MORC1: variants seen among roughly 807,000 people sequenced by gnomAD.
MORC1 encodes the protein MORC family CW-type zinc finger 1.
A neutral mutation model predicts 134.9 loss-of-function variants in MORC1; 59 were observed. The observed-to-expected ratio is 0.44, with a 90% CI of 0.35 to 0.54. MORC1 has a LOEUF of 0.54. MORC1 is among the 20% of genes least tolerant of loss of function. The pLI, the probability that MORC1 is intolerant of heterozygous loss-of-function variation, is 0.00. For missense variants in MORC1, 947 were observed against 1,134.5 expected (o/e 0.83, Z 2.37); for synonymous variants, 395 against 391.7 (o/e 1.01, Z -0.10).
chr3:109,050,536 C>A (rs1178052158), intron 14 of MORC1, among the ~76,000 whole-genome samples: 1 of 151,934 alleles, frequency 6.6e-6, no homozygotes, highest in Non-Finnish European at 1.5e-5. Context: ...GTTGCTAATA[C>A]CATCATCCTG....
Position 109,088,894 on chromosome 3 carries a change from C to T in MORC1, c.689+4542G>A, listed in dbSNP as rs537811827. Among the ~76,000 whole-genome samples, 24 of 152,090 alleles carry T rather than the reference C, an allele frequency of 1.6e-4. 1 individual carries two copies. Among genetic ancestry groups the T allele is most frequent in the Non-Finnish European group, 3.2e-4 (22 of 67,970 alleles). ...AATACTATGCTGCCATATAAAAGAACGAGATCATGTCTTTTGCAGGAATAT... is the reference window on the plus strand; with the variant it reads ...AATACTATGCTGCCATATAAAAGAATGAGATCATGTCTTTTGCAGGAATAT... On this transcript the variant is annotated intron_variant, in intron 8 of 27. Coordinates refer to ENST00000232603, the MANE Select transcript of MORC1 (RefSeq NM_014429.4).
In MORC1 at chr3:109,097,612, G is replaced by A. The variant is rs111484464; in HGVS notation, c.423+1746C>T. Among the ~76,000 whole-genome samples, 140 of 152,164 alleles carry A rather than the reference G, an allele frequency of 9.2e-4. 3 individuals are homozygous for A. Among genetic ancestry groups the A allele is most frequent in the Non-Finnish European group, 5.4e-4 (37 of 68,032 alleles). ...AAGCAGGAGTGTGAGCTGCAGCACA[G>A]GAGAAAGCCCTGAGCAGACTTCATC... On this transcript the variant is annotated intron_variant, in intron 6 of 27. Coordinates refer to ENST00000232603, the MANE Select transcript of MORC1 (RefSeq NM_014429.4).
chr3:109,061,167 A>T (rs1950073249), intron 11 of MORC1, among the ~76,000 whole-genome samples: 2 of 152,124 alleles, frequency 1.3e-5, no homozygotes, highest in African/African-American at 4.8e-5. Context: ...CACTGAAAGG[A>T]TTCATATATT....
chr3:109,094,532 C>T (rs974838017), intron 7 of MORC1, among the ~76,000 whole-genome samples: 4 of 152,146 alleles, frequency 2.6e-5, no homozygotes, highest in South Asian at 2.1e-4. Context: ...GACATTAATT[C>T]GTTATTTTAT....
chr3:109,023,223 T>C (rs1949001383), intron 17 of MORC1, among the ~76,000 whole-genome samples: 1 of 152,178 alleles, frequency 6.6e-6, no homozygotes, highest in Non-Finnish European at 1.5e-5. Flanking sequence ...CAGAGCCACA[T>C]GGAAGTGAAC....
chr3:109,043,202 T>C (rs57324850), intron 14 of MORC1, among the ~76,000 whole-genome samples: 2 of 66,298 alleles, frequency 3.0e-5, no homozygotes, highest in Non-Finnish European at 6.2e-5. Flanking sequence ...GGGGGGGGGG[T>C]GTGTATAACA....
intron 20 of MORC1, among the ~76,000 whole-genome samples, chr3:109,002,413 T>C (rs569395919): frequency 2.2e-4 from 34 of 152,324 alleles, no homozygotes; most frequent in Admixed American, 2.0e-4. Context: ...ACCCTTCTCA[T>C]GCTACAGGAG....
intron 8 of MORC1, among the ~76,000 whole-genome samples, chr3:109,072,653 C>T (rs1189564514): frequency 6.6e-6 from 1 of 152,162 alleles, no homozygotes; most frequent in African/African-American, 2.4e-5. Context: ...CCACTCTTTA[C>T]AAATAAAGCC....
At chr3:109,005,028 G>C in intron 19 of MORC1, 42 bp downstream of exon 19, 1 of 1,585,332 alleles carries the variant, frequency 6.3e-7, no homozygotes, top group Non-Finnish European at 8.6e-7. Flanking sequence ...GCTATTTCCA[G>C]AATGAGTGAA....
intron 8 of MORC1, among the ~76,000 whole-genome samples, chr3:109,071,357 G>A (rs1950312084): frequency 6.6e-6 from 1 of 152,048 alleles, no homozygotes; most frequent in Non-Finnish European, 1.5e-5. Flanking sequence ...ATATATACAT[G>A]AACACTAATA....
At chr3:108,982,997 T>C (rs1947788323) in intron 23 of MORC1, among the ~76,000 whole-genome samples, 1 of 151,860 alleles carries the variant, frequency 6.6e-6, no homozygotes, top group Admixed American at 6.6e-5. Flanking sequence ...CTAACATTCA[T>C]ATTGTATTTA....
Position 109,029,296 on chromosome 3 carries a change from T to C in MORC1, c.1566-1407A>G, listed in dbSNP as rs1183295299. ...ATATACAGCAACCCACAGTGTTGAT[T>C]TGAAGACATCTGTGGGGTGGCATCT... On this transcript the variant is annotated intron_variant, in intron 16 of 27. Transcript: ENST00000232603. 2.0e-5 allele frequency among the ~76,000 whole-genome samples: 3 copies of C among 152,336 alleles called. No homozygotes were observed. In the East Asian group the frequency reaches 5.8e-4, roughly 29 times the overall value.
At chr3:109,022,296 A>T (rs1948976731) in intron 17 of MORC1, among the ~76,000 whole-genome samples, 1 of 152,202 alleles carries the variant, frequency 6.6e-6, no homozygotes, top group South Asian at 2.1e-4. Flanking sequence ...TAAAAAGATT[A>T]AGTTCTACAT....
intron 19 of MORC1, 89 bp downstream of exon 19, chr3:109,004,981 C>T: frequency 6.4e-7 from 1 of 1,571,886 alleles, no homozygotes; most frequent in Non-Finnish European, 8.6e-7. Context: ...ATTAAAGTGT[C>T]TTAAAATGTG....
intron 6 of MORC1, among the ~76,000 whole-genome samples, chr3:109,098,274 T>C (rs533716156): frequency 7.5e-4 from 114 of 152,270 alleles, no homozygotes; most frequent in African/African-American, 2.7e-3. Flanking sequence ...AAGTGGTTGC[T>C]GTTTTTAGTT....
chr3:109,020,722 G>A (rs1430995932), intron 17 of MORC1, among the ~76,000 whole-genome samples: 2 of 142,044 alleles, frequency 1.4e-5, no homozygotes, highest in Non-Finnish European at 3.0e-5. Context: ...CCGAGTTTGC[G>A]TCACTGCACT....
intron 8 of MORC1, among the ~76,000 whole-genome samples, chr3:109,075,958 G>A (rs936206026): frequency 6.6e-6 from 1 of 151,992 alleles, no homozygotes; most frequent in Non-Finnish European, 1.5e-5. Context: ...AAAAGCAATG[G>A]CGACAAAAGC....
chr3:109,118,039 C>T lies in MORC1; in HGVS notation c.21G>A (p.Ala7=), dbSNP rs763414718. 4.3e-6 allele frequency: 7 copies of T among 1,609,578 alleles called. No homozygotes were observed. Among genetic ancestry groups the T allele is most frequent in the Non-Finnish European group, 5.9e-6 (7 of 1,178,408 alleles). Residue 7 remains alanine, a synonymous_variant, in exon 1 of 28, where the codon GCG becomes GCA. Transcript: ENST00000232603. MDDRYP[A]LQRAQLRLDF... Reference sequence around the variant, plus strand: ...CCAGACGCAGCTGGGCCCGCTGAAGCGCAGGGTACCTGTCGTCCATGCCCT... The same window carrying T: ...CCAGACGCAGCTGGGCCCGCTGAAGTGCAGGGTACCTGTCGTCCATGCCCT...
chr3:109,055,647 T>G (rs1949941875), intron 13 of MORC1, among the ~76,000 whole-genome samples: 1 of 152,224 alleles, frequency 6.6e-6, no homozygotes, highest in Admixed American at 6.5e-5. Flanking sequence ...CTTTTTGCAC[T>G]GGATGCTCAC....
Sources: gnomAD v4.1 joint callset for allele counts (sites outside exome capture counted in the v4.1 genomes callset) on GRCh38, gnomAD v4.1.1 for gene constraint, MANE v1.5 for transcripts, NCBI Gene and HGNC (gene_info 2026-07-23, HGNC 2026-07-21) for gene names.